The following SNRNP48 variants were observed in gnomAD, a reference collection of about 807,000 sequenced individuals.
SNRNP48 encodes small nuclear ribonucleoprotein U11/U12 subunit 48.
A neutral mutation model predicts 47.0 loss-of-function variants in SNRNP48; 43 were observed. That is an observed-to-expected ratio of 0.92 (90% confidence interval 0.72 to 1.18). SNRNP48 has a LOEUF of 1.18. Ranked by LOEUF, SNRNP48 falls within the 50% of genes most tolerant of loss-of-function variation. The pLI is 0.00. For synonymous variants in SNRNP48, 138 were observed against 144.0 expected (o/e 0.96, Z 0.30); for missense variants, 396 against 422.2 (o/e 0.94, Z 0.54).
At chr6:7,601,219 G>T in intron 4 of SNRNP48, 117 bp from the exon 5 acceptor site, 1 of 722,364 alleles carries the variant, frequency 1.4e-6, no homozygotes, top group Non-Finnish European at 2.1e-6. Context: ...TAGGGATTAT[G>T]AAAAAAGTTT....
rs1300844034 is a variant in SNRNP48, at chr6:7,608,954, T to C, written c.*81T>C. The C allele has an allele frequency of 5.4e-6, 4 of 738,064 alleles. No individual in the cohort carries two copies. The highest frequency in any genetic ancestry group is 3.7e-5 in the African/African-American group (2 of 53,614). 45.7% of individuals were successfully genotyped at this position (738,064 alleles called of 1,614,324 possible). Reference sequence around the variant, plus strand: ...ATATATTAATTGGAATTCCTTTGCATAGGAGAATGTTTTTATGATCTGTTT... The same window carrying C: ...ATATATTAATTGGAATTCCTTTGCACAGGAGAATGTTTTTATGATCTGTTT... On this transcript the variant is annotated 3_prime_UTR_variant, in exon 9 of 9. Coordinates refer to ENST00000342415, the MANE Select transcript of SNRNP48 (RefSeq NM_152551.4).
At chr6:7,605,509 G>A in intron 7 of SNRNP48, 23 bp downstream of exon 7, 1 of 1,588,874 alleles carries the variant, frequency 6.3e-7, no homozygotes, top group Non-Finnish European at 8.6e-7. Context: ...CTTTATTGGT[G>A]AAAATACTCT....
At chr6:7,605,915 A>G in intron 7 of SNRNP48, 116 bp from the exon 8 acceptor site, 1 of 1,065,190 alleles carries the variant, frequency 9.4e-7, no homozygotes. Context: ...GCATATTTAG[A>G]CCATATCTAC....
At chr6:7,600,387 C>G (rs1349422461) in intron 4 of SNRNP48, 1 of 179,604 alleles carries the variant, frequency 5.6e-6, no homozygotes, top group Non-Finnish European at 1.1e-5. Flanking sequence ...TTATGTTGTT[C>G]TATGAACCAG....
At position 7,610,017 on chromosome 6, in the gene SNRNP48, C is replaced by T. The variant is rs781247958; in HGVS notation, c.*1144C>T. The stretch of plus-strand genomic sequence containing the variant: ...TGTAAATAGAATACTGTAGTATGTA[C>T]TTTGCCTTCTTCCTCTCTGCAGATT... On this transcript the variant is annotated 3_prime_UTR_variant, in exon 9 of 9. Coordinates refer to ENST00000342415, the MANE Select transcript of SNRNP48 (RefSeq NM_152551.4). The T allele has an allele frequency of 6.6e-6, 1 of 152,196 alleles. No individual in the cohort carries two copies. The highest frequency in any genetic ancestry group is 1.5e-5 in the Non-Finnish European group (1 of 68,066). 9.4% of individuals were successfully genotyped at this position (152,196 alleles called of 1,614,324 possible).
Position 7,606,012 on chromosome 6 carries a change from A to G in SNRNP48, c.807-19A>G, listed in dbSNP as rs184012722. 19 of 1,586,238 alleles carry G rather than the reference A, an allele frequency of 1.2e-5. No individual in the cohort carries two copies. Among genetic ancestry groups the G allele is most frequent in the Non-Finnish European group, 1.6e-5 (19 of 1,171,154 alleles). ...CCAGTGGTAACACAAACTGATTAAC[A>G]TTCTTTTCTGTGTTTTAGGAATGAA... On this transcript the variant is annotated intron_variant, in intron 7 of 8. Coordinates refer to ENST00000342415, the MANE Select transcript of SNRNP48 (RefSeq NM_152551.4).
At chr6:7,601,286 T>C in intron 4 of SNRNP48, 50 bp from the exon 5 acceptor site, 2 of 1,419,666 alleles carry the variant, frequency 1.4e-6, no homozygotes, top group Non-Finnish European at 1.9e-6. Context: ...GATTTTAAGT[T>C]CACAATGCTT....
At chr6:7,595,435 T>C (rs1759887177) in intron 4 of SNRNP48, among the ~76,000 whole-genome samples, 1 of 152,236 alleles carries the variant, frequency 6.6e-6, no homozygotes, top group Non-Finnish European at 1.5e-5. Flanking sequence ...TGATTTAATT[T>C]AGGATTTTTT....
intron 4 of SNRNP48, among the ~76,000 whole-genome samples, chr6:7,596,998 TG>T (rs1274384728): frequency 6.6e-6 from 1 of 152,248 alleles, no homozygotes; most frequent in African/African-American, 2.4e-5. Context: ...GATAGAGACA[TG>T]ATAAAGTTCT....
In SNRNP48 at chr6:7,609,251, C is replaced by G. The variant is rs566227714; in HGVS notation, c.*378C>G. ...TAAATAAGGCTAATAACCCTTAGAA[C>G]ACCACCTGCGGTTCTGTCCTCACCC... On this transcript the variant is annotated 3_prime_UTR_variant, in exon 9 of 9. Transcript: ENST00000342415. The G allele has an allele frequency of 6.5e-6, 1 of 153,602 alleles. No individual in the cohort carries two copies. The highest frequency in any genetic ancestry group is 2.4e-5 in the African/African-American group (1 of 41,606). The allele number at this position is 153,602 out of a possible 1,614,324, so 9.5% of individuals were successfully genotyped here.
intron 8 of SNRNP48, among the ~76,000 whole-genome samples, chr6:7,608,478 C>T (rs889335773): frequency 6.6e-6 from 1 of 151,970 alleles, no homozygotes; most frequent in African/African-American, 2.4e-5. Context: ...CGCTTGAATC[C>T]GGGAGGCGAA....
At position 7,601,503 on chromosome 6, in the gene SNRNP48, T is replaced by C; in HGVS notation, c.574T>C (p.Leu192=). Residue 192 remains leucine, a synonymous_variant, in exon 5 of 9, where the codon TTG becomes CTG. Coordinates refer to ENST00000342415, the MANE Select transcript of SNRNP48 (RefSeq NM_152551.4). ...AAATGACAGCGATCTCTTTGTAGAC[T>C]TGGCTGCCAAAATCAATCAAGGTTT... ...IENDSDLFVD[L]AAKINQDNSR... 1 of 1,578,394 alleles carries C rather than the reference T, an allele frequency of 6.3e-7. No individual in the cohort carries two copies. Among genetic ancestry groups the C allele is most frequent in the East Asian group, 2.3e-5 (1 of 44,006 alleles).
intron 4 of SNRNP48, chr6:7,600,269 A>G (rs1442460695): frequency 2.2e-6 from 2 of 900,828 alleles, no homozygotes; most frequent in Non-Finnish European, 2.7e-6. Flanking sequence ...TTTTTGTTGT[A>G]ATGCTTAGTT....
chr6:7,592,216 G>A (rs1759830770), intron 1 of SNRNP48, among the ~76,000 whole-genome samples: 1 of 152,138 alleles, frequency 6.6e-6, no homozygotes, highest in African/African-American at 2.4e-5. Flanking sequence ...AGCATCAACA[G>A]CATGTGTAGA....
intron 4 of SNRNP48, among the ~76,000 whole-genome samples, chr6:7,596,517 C>T (rs1280064765): frequency 6.6e-6 from 1 of 152,170 alleles, no homozygotes; most frequent in African/African-American, 2.4e-5. Context: ...AGGATCTTTA[C>T]CAAATACTGT....
rs1256113956 is a variant in SNRNP48, at chr6:7,601,381, G to A, written c.452G>A (p.Arg151Gln). The A allele has an allele frequency of 5.1e-6, 8 of 1,575,556 alleles. No homozygotes were observed. Among genetic ancestry groups the A allele is most frequent in the South Asian group, 3.6e-5 (3 of 82,854 alleles). The change falls in exon 5 of 9, where the codon CGG becomes CAG. Residue 151 changes from arginine to glutamine, a missense_variant. Arg to Gln is a conservative substitution (Grantham distance 43). Coordinates refer to ENST00000342415, the MANE Select transcript of SNRNP48 (RefSeq NM_152551.4). ...LPVEVPLNHKRFVCDLTQADR... is the reference protein window; with the variant it reads ...LPVEVPLNHKQFVCDLTQADR... ...GTTGAAGTTCCTTTGAATCACAAAC[G>A]GTTTGTTTGTGATCTAACTCAAGCT...
chr6:7,602,549 A>T lies in SNRNP48; in HGVS notation c.596-74A>T. On this transcript the variant is annotated intron_variant, in intron 5 of 8. Coordinates refer to ENST00000342415, the MANE Select transcript of SNRNP48 (RefSeq NM_152551.4). Reference sequence around the variant, plus strand: ...AAACAAGTTAAAATATAGGATTGTGATGTATTTATTTGATAATTCATAGAA... The same window carrying T: ...AAACAAGTTAAAATATAGGATTGTGTTGTATTTATTTGATAATTCATAGAA... The T allele has an allele frequency of 4.4e-6, 5 of 1,135,982 alleles. No individual in the cohort carries two copies. The South Asian group carries it at 8.6e-5, about 19-fold the overall frequency. The allele number at this position is 1,135,982 out of a possible 1,614,324, so 70.4% of individuals were successfully genotyped here.
Position 7,595,009 on chromosome 6 carries a change from T to G in SNRNP48, c.332-18T>G, listed in dbSNP as rs1759877968. 2 of 332,204 alleles carry G rather than the reference T, an allele frequency of 6.0e-6. No homozygotes were observed. The highest frequency in any genetic ancestry group is 9.4e-6 in the Non-Finnish European group (2 of 212,472). 20.6% of individuals were successfully genotyped at this position (332,204 alleles called of 1,614,324 possible). ...TGATGATTCATATTGTATTTATGGA[T>G]TTTTTTTTTTTTGACAGATAAGGAC... On this transcript the variant is annotated intron_variant, in intron 3 of 8. Coordinates refer to ENST00000342415, the MANE Select transcript of SNRNP48 (RefSeq NM_152551.4).
At chr6:7,607,489 A>G (rs1327291193) in intron 8 of SNRNP48, among the ~76,000 whole-genome samples, 1 of 152,204 alleles carries the variant, frequency 6.6e-6, no homozygotes, top group Non-Finnish European at 1.5e-5. Context: ...ACACTGTGCC[A>G]CATCTATGCC....
Sources: allele counts gnomAD v4.1 joint callset (sites outside exome capture counted in the v4.1 genomes callset), GRCh38; gene constraint gnomAD v4.1.1; transcripts MANE v1.5; gene names NCBI Gene and HGNC (gene_info 2026-07-23, HGNC 2026-07-21).